Variants in DNAJC5B observed in about 807,000 individuals in gnomAD.
DNAJC5B encodes DnaJ heat shock protein family (Hsp40) member C5 beta.
A neutral mutation model predicts 24.7 loss-of-function variants in DNAJC5B; 23 were observed. The observed-to-expected ratio is 0.93, with a 90% CI of 0.67 to 1.32. DNAJC5B has a LOEUF of 1.32. DNAJC5B is among the 40% of genes most tolerant of loss of function. The pLI is 0.00. For missense variants in DNAJC5B, 238 were observed against 240.8 expected, an observed-to-expected ratio of 0.99 and a Z score of 0.08; for synonymous variants, 101 against 90.1, an observed-to-expected ratio of 1.12 and a Z score of -0.68.
At chr8:66,084,100 A>AGTT (rs1807665902) in intron 5 of DNAJC5B, among the ~76,000 whole-genome samples, 1 of 152,162 alleles carries the variant, frequency 6.6e-6, no homozygotes, top group African/African-American at 2.4e-5. Context: ...ATTTGCAGTT[A>AGTT]GTTGTATTAG....
intron 3 of DNAJC5B, among the ~76,000 whole-genome samples, chr8:66,055,981 A>C (rs1052798850): frequency 6.6e-6 from 1 of 152,148 alleles, no homozygotes; most frequent in Non-Finnish European, 1.5e-5. Flanking sequence ...TATATTCAGA[A>C]CTTCCAGTCT....
At chr8:66,076,025 G>C (rs1033179512) in intron 3 of DNAJC5B, among the ~76,000 whole-genome samples, 3 of 152,198 alleles carry the variant, frequency 2.0e-5, no homozygotes, top group Non-Finnish European at 4.4e-5. Context: ...GATCCACAGA[G>C]GAGAAGGCCT....
intron 5 of DNAJC5B, among the ~76,000 whole-genome samples, chr8:66,083,136 C>T (rs150243405): frequency 0.078 from 11,766 of 151,344 alleles, 747 homozygotes; most frequent in African/African-American, 0.16. Flanking sequence ...CTCAGCCTCC[C>T]GAGTAGATGG....
chr8:66,017,065 C>A (rs1805973536), upstream of DNAJC5B, among the ~76,000 whole-genome samples: 1 of 151,858 alleles, frequency 6.6e-6, no homozygotes, highest in Non-Finnish European at 1.5e-5. Context: ...CAGAGAAGAG[C>A]CACATAGAAA....
chr8:66,024,340 A>G (rs1806206675), intron 1 of DNAJC5B, among the ~76,000 whole-genome samples: 1 of 152,008 alleles, frequency 6.6e-6, no homozygotes, highest in East Asian at 1.9e-4. Context: ...ACTACAGTGT[A>G]TAACTGCAGA....
At chr8:66,020,648 G>T (rs1163935091), upstream of DNAJC5B, among the ~76,000 whole-genome samples, 1 of 106,130 alleles carries the variant, frequency 9.4e-6, no homozygotes, top group Non-Finnish European at 2.0e-5. Flanking sequence ...GTGTGTGTGT[G>T]TGTGTTTTAG....
At chr8:66,028,377 C>T (rs564107244) in intron 1 of DNAJC5B, among the ~76,000 whole-genome samples, 2 of 152,260 alleles carry the variant, frequency 1.3e-5, no homozygotes, top group South Asian at 4.2e-4. Context: ...AACACAAGGA[C>T]ACCAGGAAGA....
chr8:66,076,580 A>G, intron 3 of DNAJC5B, 80 bp from the exon 4 acceptor site: 2 of 1,449,858 alleles, frequency 1.4e-6, no homozygotes, highest in Non-Finnish European at 1.9e-6. Context: ...GAATATACAA[A>G]TGAACAGTGC....
At chr8:66,015,017 G>T in the DNAJC5B span, among the ~76,000 whole-genome samples, 1 of 152,154 alleles carries the variant, frequency 6.6e-6, no homozygotes, top group African/African-American at 2.4e-5. Flanking sequence ...GATCTCATGA[G>T]GAGAGGACAC....
rs1460209810 is a variant in DNAJC5B, at chr8:66,089,375, C to T, written c.505+8827C>T. 3.9e-5 allele frequency among the ~76,000 whole-genome samples: 6 copies of T among 152,142 alleles called. No homozygotes were observed. The South Asian group carries it at 1.2e-3, about 32-fold the overall frequency. ...ACACAGAGCCAAACCATATCAGTGACCAAACACCACAAATTTCACTTTTGA... is the reference window on the plus strand; with the variant it reads ...ACACAGAGCCAAACCATATCAGTGATCAAACACCACAAATTTCACTTTTGA... On this transcript the variant is annotated intron_variant, in intron 5 of 5. Transcript: ENST00000276570.
intron 1 of DNAJC5B, among the ~76,000 whole-genome samples, chr8:66,028,544 C>T (rs1431556178): frequency 6.6e-6 from 1 of 152,214 alleles, no homozygotes; most frequent in Non-Finnish European, 1.5e-5. Context: ...ACCTGTTCCC[C>T]CTTTGTGATT....
At chr8:66,062,158 G>C (rs1487262487) in intron 3 of DNAJC5B, among the ~76,000 whole-genome samples, 1 of 152,186 alleles carries the variant, frequency 6.6e-6, no homozygotes, top group African/African-American at 2.4e-5. Flanking sequence ...AGTATTTGCT[G>C]AATGCAAAAA....
chr8:66,060,029 C>T (rs958243331), intron 3 of DNAJC5B, among the ~76,000 whole-genome samples: 5 of 152,236 alleles, frequency 3.3e-5, no homozygotes, highest in Non-Finnish European at 7.3e-5. Context: ...TGAGGCTGGG[C>T]ATAGTGGATG....
chr8:66,068,169 A>ATTG (rs1807265095), intron 3 of DNAJC5B, among the ~76,000 whole-genome samples: 1 of 152,242 alleles, frequency 6.6e-6, no homozygotes, highest in African/African-American at 2.4e-5. Context: ...GCAATGTTTG[A>ATTG]CACAGAGATA....
chr8:66,095,911 A>G (rs1349145653), intron 5 of DNAJC5B, among the ~76,000 whole-genome samples: 3 of 152,166 alleles, frequency 2.0e-5, no homozygotes, highest in African/African-American at 7.2e-5. Context: ...GACTTGCTGT[A>G]CAGCCTGGAA....
At chr8:66,038,876 A>G (rs1806545336) in intron 1 of DNAJC5B, among the ~76,000 whole-genome samples, 1 of 152,218 alleles carries the variant, frequency 6.6e-6, no homozygotes, top group Non-Finnish European at 1.5e-5. Context: ...ACACATGTGA[A>G]ATACATATTA....
At chr8:66,027,690 A>G (rs1056452183) in intron 1 of DNAJC5B, among the ~76,000 whole-genome samples, 1 of 152,188 alleles carries the variant, frequency 6.6e-6, no homozygotes, top group African/African-American at 2.4e-5. Flanking sequence ...AATCATTATT[A>G]TTACGAGAGG....
intron 5 of DNAJC5B, among the ~76,000 whole-genome samples, chr8:66,095,658 GAC>G (rs10566337): frequency 0.22 from 31,841 of 146,544 alleles, 3,778 homozygotes; most frequent in Non-Finnish European, 0.28. Context: ...ACTTTAGCTT[GAC>G]ACACACACAC....
At chr8:66,087,732 C>G (rs957387804) in intron 5 of DNAJC5B, among the ~76,000 whole-genome samples, 2 of 152,304 alleles carry the variant, frequency 1.3e-5, no homozygotes, top group South Asian at 4.1e-4. Context: ...TCTTGAAGCT[C>G]CAAAATCTCC....
Sources: allele counts gnomAD v4.1 joint callset (sites outside exome capture counted in the v4.1 genomes callset), GRCh38; gene constraint gnomAD v4.1.1; transcripts MANE v1.5; gene names NCBI Gene and HGNC (gene_info 2026-07-23, HGNC 2026-07-21).